Variants in SND1 observed in about 807,000 individuals in gnomAD.
SND1 encodes staphylococcal nuclease and tudor domain containing 1, also known as staphylococcal nuclease domain-containing protein 1.
In SND1, 38 loss-of-function variants were observed where a neutral mutation model predicts 121.7. The observed-to-expected ratio is 0.31, with a 90% CI of 0.24 to 0.41. SND1 has a LOEUF of 0.41. Among genes scored for constraint, SND1 ranks in the 10% least tolerant of loss-of-function variants. The probability of loss-of-function intolerance (pLI) is 1.00; values close to 1 mark genes in which losing one functional copy is unlikely to be tolerated. For missense variants in SND1, 868 were observed against 1,184.6 expected (o/e 0.73, Z 3.92); for synonymous variants, 401 against 447.4 (o/e 0.90, Z 1.31).
At chr7:127,744,400 A>T (rs1008445530) in intron 10 of SND1, among the ~76,000 whole-genome samples, 3 of 152,150 alleles carry the variant, frequency 2.0e-5, no homozygotes, top group Admixed American at 1.3e-4. Flanking sequence ...ATAATGAAAC[A>T]TTTACTCGCT....
intron 16 of SND1, among the ~76,000 whole-genome samples, chr7:128,040,108 C>G (rs908080533): frequency 6.6e-6 from 1 of 151,958 alleles, no homozygotes; most frequent in Non-Finnish European, 1.5e-5. Context: ...TTTAAAAACA[C>G]TCAGGGAGAC....
At chr7:127,767,424 A>G (rs188076167) in intron 10 of SND1, among the ~76,000 whole-genome samples, 1 of 152,310 alleles carries the variant, frequency 6.6e-6, no homozygotes, top group Admixed American at 6.5e-5. Flanking sequence ...ATCTATTTCT[A>G]TTAGCCCTGT....
intron 22 of SND1, among the ~76,000 whole-genome samples, chr7:128,091,487 G>A (rs1251841716): frequency 6.6e-6 from 1 of 152,004 alleles, no homozygotes; most frequent in Non-Finnish European, 1.5e-5. Context: ...AGCAATTATA[G>A]GCATGAGCCA....
intron 11 of SND1, among the ~76,000 whole-genome samples, chr7:127,832,519 G>A (rs1386042803): frequency 1.3e-5 from 2 of 152,140 alleles, no homozygotes; most frequent in African/African-American, 2.4e-5. Flanking sequence ...CTGTAGATCT[G>A]CACGTGATAG....
At chr7:127,862,271 A>T (rs1486553644) in intron 12 of SND1, among the ~76,000 whole-genome samples, 2 of 152,184 alleles carry the variant, frequency 1.3e-5, no homozygotes, top group African/African-American at 4.8e-5. Flanking sequence ...CACCCTACCC[A>T]CTGGAATATT....
At chr7:127,766,536 G>A (rs1238188061) in intron 10 of SND1, among the ~76,000 whole-genome samples, 3 of 152,030 alleles carry the variant, frequency 2.0e-5, no homozygotes, top group Non-Finnish European at 4.4e-5. Context: ...AGCACTTTGG[G>A]AGGCCAAGGC....
chr7:127,840,240 C>CT, intron 11 of SND1, among the ~76,000 whole-genome samples: 1 of 152,184 alleles, frequency 6.6e-6, no homozygotes, highest in East Asian at 1.9e-4. Context: ...ACTAAATTAT[C>CT]TTTTAGAATT....
intron 2 of SND1, among the ~76,000 whole-genome samples, chr7:127,690,421 C>CAGTAGTTCCTTCG (rs1554411574): frequency 6.6e-6 from 1 of 152,228 alleles, no homozygotes; most frequent in African/African-American, 2.4e-5. Context: ...CCCCCTCCAT[C>CAGTAGTTCCTTCG]AGTAGTTCCT....
chr7:127,688,733 T>C (rs1028971163), intron 2 of SND1, among the ~76,000 whole-genome samples: 1 of 133,924 alleles, frequency 7.5e-6, no homozygotes, highest in Non-Finnish European at 1.6e-5. Flanking sequence ...AAAAAAATAA[T>C]AAAAAAAAAA....
Position 127,850,876 on chromosome 7 carries a change from C to A in SND1, c.1343+6452C>A, listed in dbSNP as rs560598844. Among the ~76,000 whole-genome samples the A allele has an allele frequency of 1.5e-4, 23 of 152,260 alleles. No individual in the cohort carries two copies. In the South Asian group the frequency reaches 4.2e-3, roughly 28 times the overall value. On this transcript the variant is annotated intron_variant, in intron 12 of 23. Transcript: ENST00000354725. ...GTTGAATAACTAGGCCTGTCCTCTG[C>A]CAGCTCAAGCATAGCAATCATTTTA...
intron 14 of SND1, among the ~76,000 whole-genome samples, chr7:127,905,437 C>T (rs971855900): frequency 6.6e-6 from 1 of 152,052 alleles, no homozygotes; most frequent in Admixed American, 6.6e-5. Context: ...TGCATAGATC[C>T]GTTTGATAGT....
chr7:127,863,704 C>G (rs1799419332), intron 12 of SND1, among the ~76,000 whole-genome samples: 1 of 152,158 alleles, frequency 6.6e-6, no homozygotes, highest in Admixed American at 6.5e-5. Flanking sequence ...AAGAGCAGTG[C>G]TCTAAGGTAT....
intron 11 of SND1, among the ~76,000 whole-genome samples, chr7:127,822,145 C>A (rs1354178005): frequency 6.6e-6 from 1 of 152,156 alleles, no homozygotes; most frequent in Non-Finnish European, 1.5e-5. Context: ...TTTTACCACC[C>A]AAGAAGCAAT....
chr7:127,867,674 G>C (rs570391288), intron 12 of SND1, among the ~76,000 whole-genome samples: 2 of 152,244 alleles, frequency 1.3e-5, no homozygotes, highest in African/African-American at 4.8e-5. Flanking sequence ...TATGCTGTCA[G>C]TGTAGAATAA....
intron 15 of SND1, among the ~76,000 whole-genome samples, chr7:127,964,336 A>G (rs944714077): frequency 3.4e-5 from 5 of 145,382 alleles, no homozygotes; most frequent in African/African-American, 7.8e-5. Context: ...GCCCACGCCT[A>G]TGTCCTGAAT....
At chr7:128,044,915 C>G (rs1792920133) in intron 16 of SND1, among the ~76,000 whole-genome samples, 1 of 152,146 alleles carries the variant, frequency 6.6e-6, no homozygotes, top group East Asian at 1.9e-4. Context: ...TTCTAAAATC[C>G]TTATTTTTGC....
At chr7:128,056,078 T>C (rs1743241245) in intron 16 of SND1, among the ~76,000 whole-genome samples, 1 of 152,228 alleles carries the variant, frequency 6.6e-6, no homozygotes, top group African/African-American at 2.4e-5. Flanking sequence ...CTTCACAAAA[T>C]GGTTATAAGG....
chr7:127,930,827 C>A (rs1347673165), intron 15 of SND1, among the ~76,000 whole-genome samples: 2 of 152,096 alleles, frequency 1.3e-5, no homozygotes, highest in Non-Finnish European at 2.9e-5. Flanking sequence ...TATTGCACTT[C>A]TTTTTATTGT....
intron 16 of SND1, among the ~76,000 whole-genome samples, chr7:128,039,790 A>G (rs1792816890): frequency 6.6e-6 from 1 of 152,248 alleles, no homozygotes; most frequent in South Asian, 2.1e-4. Context: ...ACACCAGGAC[A>G]GTAAGATCAA....
Sources: gnomAD v4.1 joint callset for allele counts (sites outside exome capture counted in the v4.1 genomes callset) on GRCh38, gnomAD v4.1.1 for gene constraint, MANE v1.5 for transcripts, NCBI Gene and HGNC (gene_info 2026-07-23, HGNC 2026-07-21) for gene names.